The following CPD variants were observed in gnomAD, a reference collection of about 807,000 sequenced individuals.
CPD encodes the protein carboxypeptidase D, also known as metallocarboxypeptidase D.
CPD carries 69 observed loss-of-function variants against 138.3 expected under a neutral mutation model. The ratio of observed to expected loss-of-function variants is 0.50; its 90% CI spans 0.41 to 0.61. The LOEUF (loss-of-function observed/expected upper bound fraction) is 0.61. Ranked by LOEUF, CPD falls within the 20% of genes least tolerant of loss-of-function variation. CPD has a pLI of 0.00. For missense variants in CPD, 1,432 were observed against 1,733.3 expected (o/e 0.83, Z 3.09); for synonymous variants, 651 against 642.1 (o/e 1.01, Z -0.21).
intron 2 of CPD, among the ~76,000 whole-genome samples, chr17:30,413,063 T>C (rs1225194739): frequency 1.3e-5 from 2 of 152,240 alleles, no homozygotes; most frequent in East Asian, 1.9e-4. Flanking sequence ...TCTGTTTTGC[T>C]TCCTCACCAA....
chr17:30,382,838 G>A (rs1477479725), intron 1 of CPD, among the ~76,000 whole-genome samples: 1 of 152,092 alleles, frequency 6.6e-6, no homozygotes, highest in African/African-American at 2.4e-5. Flanking sequence ...ATGCCCAGAG[G>A]GTATTTGTTT....
intron 2 of CPD, among the ~76,000 whole-genome samples, chr17:30,399,623 C>T (rs1176656524): frequency 6.6e-6 from 1 of 152,134 alleles, no homozygotes; most frequent in South Asian, 2.1e-4. Context: ...CATATAGCTA[C>T]TCCATCTTTT....
chr17:30,407,356 T>C (rs1911828951), intron 2 of CPD, among the ~76,000 whole-genome samples: 1 of 152,116 alleles, frequency 6.6e-6, no homozygotes, highest in Non-Finnish European at 1.5e-5. Flanking sequence ...GGGTCAAATG[T>C]TATTTCTAGT....
In CPD at chr17:30,456,302, T is replaced by C. The variant is rs1207286198; in HGVS notation, c.3384T>C (p.Asn1128=). ...AGCATTTGGCATCTCTTTATGCAAA[T>C]AATCATCCATCCATGCACATGGGTC... The part of the protein sequence containing the change: ...TLKHLASLYA[N]NHPSMHMGQP... Residue 1128 remains asparagine, a synonymous_variant, in exon 16 of 21, where the codon AAT becomes AAC. Transcript: ENST00000225719. The C allele has an allele frequency of 6.2e-7, 1 of 1,614,078 alleles. No homozygotes were observed. Among genetic ancestry groups the C allele is most frequent in the Non-Finnish European group, 8.5e-7 (1 of 1,180,022 alleles).
intron 2 of CPD, among the ~76,000 whole-genome samples, chr17:30,404,387 T>C (rs565644727): frequency 6.6e-6 from 1 of 152,312 alleles, no homozygotes; most frequent in South Asian, 2.1e-4. Flanking sequence ...ATATTTGCCT[T>C]GTATATGCCG....
chr17:30,464,907 C>G lies in CPD; in HGVS notation c.*93C>G. 12 of 988,268 alleles carry G rather than the reference C, an allele frequency of 1.2e-5. No homozygotes were observed. Among genetic ancestry groups the G allele is most frequent in the Non-Finnish European group, 1.9e-5 (12 of 645,018 alleles). 61.2% of individuals were successfully genotyped at this position (988,268 alleles called of 1,614,324 possible). ...TGCATTAAGAAGAGAGACTCTCTTG[C>G]TTCTTCAAAGAGCTTTGGGAAATTA... On this transcript the variant is annotated 3_prime_UTR_variant, in exon 21 of 21. Transcript: ENST00000225719.
intron 1 of CPD, 96 bp from the exon 2 acceptor site, chr17:30,384,893 T>G: frequency 7.3e-7 from 1 of 1,367,884 alleles, no homozygotes; most frequent in Non-Finnish European, 1.0e-6. Context: ...AAGAGAGATA[T>G]TGGAGTTTAT....
intron 2 of CPD, among the ~76,000 whole-genome samples, chr17:30,399,840 A>G (rs1597710632): frequency 6.6e-6 from 1 of 152,224 alleles, no homozygotes; most frequent in East Asian, 1.9e-4. Context: ...AAATACAAAA[A>G]TTAGCTGGGC....
intron 2 of CPD, among the ~76,000 whole-genome samples, chr17:30,397,691 T>G (rs533861601): frequency 3.2e-5 from 4 of 125,692 alleles, no homozygotes; most frequent in Non-Finnish European, 6.2e-5. Context: ...GAGCTGTGAC[T>G]ACGCCACTGC....
chr17:30,451,919 A>C (rs1597735240), intron 14 of CPD, 73 bp downstream of exon 14: 1 of 1,421,918 alleles, frequency 7.0e-7, no homozygotes, highest in Non-Finnish European at 9.6e-7. Flanking sequence ...GATTGATCCT[A>C]TTTTGTCAGT....
At chr17:30,424,416 C>T (rs2072407905) in intron 6 of CPD, among the ~76,000 whole-genome samples, 1 of 152,168 alleles carries the variant, frequency 6.6e-6, no homozygotes, top group Non-Finnish European at 1.5e-5. Flanking sequence ...TGTCTGACCC[C>T]CATTTCCCAT....
At chr17:30,463,507 A>G (rs1410599290) in intron 20 of CPD, among the ~76,000 whole-genome samples, 2 of 152,222 alleles carry the variant, frequency 1.3e-5, no homozygotes, top group African/African-American at 4.8e-5. Context: ...AAGATCCAGG[A>G]AAGAGGAAAT....
At position 30,439,036 on chromosome 17, in the gene CPD, C is replaced by G. The variant is rs763754412; in HGVS notation, c.2189C>G (p.Pro730Arg). 6.3e-7 allele frequency: 1 copy of G among 1,592,352 alleles called. No individual in the cohort carries two copies. Among genetic ancestry groups the G allele is most frequent in the Non-Finnish European group, 8.5e-7 (1 of 1,173,720 alleles). ...CKNMYPNEYF[P>R]HGITNGASWY... ...AATATGTATCCTAATGAATATTTTC[C>G]TCATGGAATAACAAATGGAGCTAGT... Residue 730 changes from proline (P) to arginine (R), a missense_variant, in exon 9 of 21, where the codon CCT becomes CGT. Coordinates refer to ENST00000225719, the MANE Select transcript of CPD (RefSeq NM_001304.5).
chr17:30,455,504 T>C, intron 15 of CPD, 34 bp downstream of exon 15: 1 of 1,584,206 alleles, frequency 6.3e-7, no homozygotes, highest in Non-Finnish European at 8.5e-7. Flanking sequence ...ATATACTGTT[T>C]AAGCTTAGGT....
chr17:30,415,662 G>A (rs183327487), intron 2 of CPD, among the ~76,000 whole-genome samples: 2 of 152,076 alleles, frequency 1.3e-5, no homozygotes. Flanking sequence ...TTGAAAAGAT[G>A]CTCTACATCA....
At chr17:30,443,465 C>A (rs1194339632) in intron 10 of CPD, among the ~76,000 whole-genome samples, 1 of 152,128 alleles carries the variant, frequency 6.6e-6, no homozygotes, top group Non-Finnish European at 1.5e-5. Flanking sequence ...ATTCTTTGAA[C>A]TATAAGAGTC....
chr17:30,387,859 C>G (rs948316877), intron 2 of CPD, among the ~76,000 whole-genome samples: 3 of 152,142 alleles, frequency 2.0e-5, no homozygotes, highest in Admixed American at 6.5e-5. Flanking sequence ...TGCCTTTGCC[C>G]AAGTTCTTGT....
chr17:30,378,937 C>G lies in CPD; in HGVS notation c.-44C>G, dbSNP rs933521437. The G allele has an allele frequency of 2.1e-5, 30 of 1,414,788 alleles. No homozygotes were observed. The highest frequency in any genetic ancestry group is 9.9e-5 in the Admixed American group (3 of 30,432). 87.6% of individuals were successfully genotyped at this position (1,414,788 alleles called of 1,614,324 possible). On this transcript the variant is annotated 5_prime_UTR_variant, in exon 1 of 21. Transcript: ENST00000225719. ...CGGCGGGCCCCCGCCGCCCGGAGCG[C>G]TGAGCCGCGGGAGCGGAGCCGGGGT... is the stretch of plus-strand genomic sequence containing the variant.
Position 30,423,493 on chromosome 17 carries a change from AT to A in CPD, c.1658-9del. 1 of 1,494,602 alleles carries A rather than the reference AT, an allele frequency of 6.7e-7. No homozygotes were observed. Among genetic ancestry groups the A allele is most frequent in the South Asian group, 1.4e-5 (1 of 72,424 alleles). 92.6% of individuals were successfully genotyped at this position (1,494,602 alleles called of 1,614,324 possible). A position where few individuals can be genotyped will look rare whatever the true frequency, so the allele number is the denominator to read the frequency against. ...AGGAAAAAAAGCCTTCCATGTAATT[AT>A]TTTGTTTTCAGGTGAACCAGAATTT... On this transcript the variant is annotated splice_polypyrimidine_tract_variant and intron_variant, in intron 5 of 20. Transcript: ENST00000225719.
Sources: allele counts gnomAD v4.1 joint callset (sites outside exome capture counted in the v4.1 genomes callset), GRCh38; gene constraint gnomAD v4.1.1; transcripts MANE v1.5; gene names NCBI Gene and HGNC (gene_info 2026-07-23, HGNC 2026-07-21).